The following CNP variants were observed in gnomAD, a reference collection of about 807,000 sequenced individuals.
The protein encoded by CNP is 2',3'-cyclic nucleotide 3' phosphodiesterase.
In CNP, 8 loss-of-function variants were observed where a neutral mutation model predicts 37.9. The observed-to-expected ratio is 0.21, with a 90% CI of 0.12 to 0.38. CNP has a LOEUF of 0.38. Ranked by LOEUF, CNP falls within the 10% of genes least tolerant of loss-of-function variation. The pLI is 1.00. For synonymous variants in CNP, 237 were observed against 238.3 expected, an observed-to-expected ratio of 0.99 and a Z score of 0.05; for missense variants, 457 against 551.0, an observed-to-expected ratio of 0.83 and a Z score of 1.71.
Position 41,976,499 on chromosome 17 carries a change from CAAA to C in CNP, c.*2578_*2580del. The C allele has an allele frequency of 4.1e-6, 2 of 486,948 alleles. No homozygotes were observed. Among genetic ancestry groups the C allele is most frequent in the Non-Finnish European group, 3.6e-6 (1 of 280,518 alleles). The allele number at this position is 486,948 out of a possible 1,614,324, so 30.2% of individuals were successfully genotyped here. ...TTTTTAATAAAGTTAAACAGTAAAA[CAAA>C]AATTCACAAGCTGCCTCCCTGTCCA... On this transcript the variant is annotated 3_prime_UTR_variant, in exon 4 of 4. Transcript: ENST00000393892.
chr17:41,972,482 C>T (rs781804269), intron 3 of CNP, among the ~76,000 whole-genome samples: 2 of 152,128 alleles, frequency 1.3e-5, no homozygotes, highest in Non-Finnish European at 2.9e-5. Context: ...AGCTTATTGG[C>T]TAATGGGTAC....
At position 41,975,776 on chromosome 17, in the gene CNP, T is replaced by C. The variant is rs1555644654; in HGVS notation, c.*1852T>C. On this transcript the variant is annotated 3_prime_UTR_variant, in exon 4 of 4. Transcript: ENST00000393892. Reference sequence around the variant, plus strand: ...CTAGGTCAAGGCCTGTCCCTGGCCATCTCTGAACTTCAGCTAGAGCTTCAA... The same window carrying C: ...CTAGGTCAAGGCCTGTCCCTGGCCACCTCTGAACTTCAGCTAGAGCTTCAA... 6.6e-6 allele frequency: 1 copy of C among 152,206 alleles called. No homozygotes were observed. The highest frequency in any genetic ancestry group is 1.5e-5 in the Non-Finnish European group (1 of 68,060). 9.4% of individuals were successfully genotyped at this position (152,206 alleles called of 1,614,324 possible).
intron 1 of CNP, chr17:41,967,779 G>C (rs782412876): frequency 1.6e-6 from 2 of 1,229,846 alleles, no homozygotes; most frequent in Non-Finnish European, 2.0e-6. Flanking sequence ...ATAAGAGTGA[G>C]GCCAGTCCCA....
chr17:41,969,096 C>T (rs754129702), intron 2 of CNP, among the ~76,000 whole-genome samples: 23 of 152,162 alleles, frequency 1.5e-4, no homozygotes, highest in Non-Finnish European at 2.8e-4. Flanking sequence ...CTAATGTAAC[C>T]TTAGAGGGGG....
intron 3 of CNP, 40 bp downstream of exon 3, chr17:41,972,071 T>C (rs2050998601): frequency 3.7e-6 from 6 of 1,606,164 alleles, no homozygotes; most frequent in Admixed American, 1.7e-5. Flanking sequence ...GGTGGGAGGT[T>C]GGGGGAGAAG....
chr17:41,973,714 G>A lies in CNP; in HGVS notation c.1056G>A (p.Leu352=), dbSNP rs782699148. The A allele has an allele frequency of 1.9e-6, 3 of 1,612,094 alleles. No individual in the cohort carries two copies. Among genetic ancestry groups the A allele is most frequent in the African/African-American group, 1.3e-5 (1 of 75,034 alleles). Residue 352 remains leucine, a synonymous_variant, in exon 4 of 4, where the codon CTG becomes CTA. Coordinates refer to ENST00000393892, the MANE Select transcript of CNP (RefSeq NM_033133.5). ...VQTGLDLLEI[L]RQEKGGSRGE... The stretch of plus-strand genomic sequence containing the variant: ...CGGGCCTTGACCTCTTAGAGATTCT[G>A]CGGCAGGAGAAGGGGGGCAGCCGAG...
rs572371941 is a variant in CNP at position 41,977,004 on chromosome 17, G to C, written c.*3080G>C. 3.3e-5 allele frequency: 21 copies of C among 643,868 alleles called. 1 individual carries two copies. The Admixed American group carries it at 5.9e-4, about 18-fold the overall frequency. 39.9% of individuals were successfully genotyped at this position (643,868 alleles called of 1,614,324 possible). On this transcript the variant is annotated 3_prime_UTR_variant, in exon 4 of 4. Coordinates refer to ENST00000393892, the MANE Select transcript of CNP (RefSeq NM_033133.5). ...TATATAGTACCTTTGCTCTTGCAGA[G>C]AAGCCTTGGTACTAGGCAGTTAGAG...
At position 41,968,763 on chromosome 17, in the gene CNP, A is replaced by AT; in HGVS notation, c.676+24dup. 1 of 1,588,274 alleles carries AT rather than the reference A, an allele frequency of 6.3e-7. No individual in the cohort carries two copies. Among genetic ancestry groups the AT allele is most frequent in the South Asian group, 1.1e-5 (1 of 88,042 alleles). ...AATGTAGGTGGCAGGTTGGGGCCTT[A>AT]TAAGCCCACCTTGCTGGGCACAGGG... On this transcript the variant is annotated intron_variant, in intron 2 of 3. Coordinates refer to ENST00000393892, the MANE Select transcript of CNP (RefSeq NM_033133.5). The surrounding 1 kb of genome is among the most constrained non-coding windows in gnomAD (Gnocchi z 4.8).
chr17:41,973,495 C>T lies in CNP; in HGVS notation c.837C>T (p.Ser279=). Reference sequence around the variant, plus strand: ...CCCAGGTGTTAAAGAAATCTTACTCCAAGGCCTTCACGCTGACCATCTCTG... The same window carrying T: ...CCCAGGTGTTAAAGAAATCTTACTCTAAGGCCTTCACGCTGACCATCTCTG... ...AQQDVLKKSY[S]KAFTLTISAL... Residue 279 remains serine (S), a synonymous_variant, in exon 4 of 4, where the codon TCC becomes TCT. Coordinates refer to ENST00000393892, the MANE Select transcript of CNP (RefSeq NM_033133.5). 1 of 1,614,088 alleles carries T rather than the reference C, an allele frequency of 6.2e-7. No individual in the cohort carries two copies. Among genetic ancestry groups the T allele is most frequent in the South Asian group, 1.1e-5 (1 of 91,066 alleles).
chr17:41,970,307 A>G (rs2050966684), intron 2 of CNP: 1 of 151,280 alleles, frequency 6.6e-6, no homozygotes, highest in Admixed American at 6.6e-5. Context: ...GGGTTTCACC[A>G]TCTTGACCAG....
intron 2 of CNP, chr17:41,970,424 G>A (rs1408242909): frequency 6.7e-6 from 1 of 149,144 alleles, no homozygotes; most frequent in Non-Finnish European, 1.5e-5. Context: ...TTTGAGACGG[G>A]GGTCTTGCTC....
chr17:41,976,569 C>A lies in CNP; in HGVS notation c.*2645C>A. 2.6e-6 allele frequency: 2 copies of A among 771,838 alleles called. No homozygotes were observed. The highest frequency in any genetic ancestry group is 3.6e-5 in the East Asian group (1 of 28,066). The allele number at this position is 771,838 out of a possible 1,614,324, so 47.8% of individuals were successfully genotyped here. ...CTGCCCTCGGTCTTCGGCATTGGTT[C>A]CCTTTGCTCCACCCCACTCACAGAG... On this transcript the variant is annotated 3_prime_UTR_variant, in exon 4 of 4. Coordinates refer to ENST00000393892, the MANE Select transcript of CNP (RefSeq NM_033133.5).
In CNP at chr17:41,977,285, C is replaced by T. The variant is rs782665641; in HGVS notation, c.*3361C>T. 20 of 1,585,308 alleles carry T rather than the reference C, an allele frequency of 1.3e-5. No homozygotes were observed. The highest frequency in any genetic ancestry group is 5.4e-5 in the African/African-American group (4 of 74,290). On this transcript the variant is annotated 3_prime_UTR_variant, in exon 4 of 4. Coordinates refer to ENST00000393892, the MANE Select transcript of CNP (RefSeq NM_033133.5). ...CCTTCAAAGCTGAAGCCGCCAGGAC[C>T]GCCAAAGAATGCCTTGAAGATATTG...
At position 41,968,739 on chromosome 17, in the gene CNP, A is replaced by G. The variant is rs782809231; in HGVS notation, c.675A>G (p.Gln225=). Residue 225 remains glutamine (Q), a splice_region_variant and synonymous_variant, in exon 2 of 4, where the codon CAA becomes CAG. Transcript: ENST00000393892. This position sits in a 1 kb window ranked among gnomAD's most constrained non-coding sequence, Gnocchi z 4.8. ...AGGCCTTCAAGAAGGAGCTGCGACA[A>G]TGTAGGTGGCAGGTTGGGGCCTTAT... ...NHKAFKKELR[Q]FVPGDEPREK... 2 of 1,607,146 alleles carry G rather than the reference A, an allele frequency of 1.2e-6. No homozygotes were observed. The highest frequency in any genetic ancestry group is 1.7e-6 in the Non-Finnish European group (2 of 1,175,604).
At position 41,968,778 on chromosome 17, in the gene CNP, T is replaced by A. The variant is rs149319021; in HGVS notation, c.676+38T>A. 2.4e-3 allele frequency: 3,696 copies of A among 1,569,066 alleles called. 3 individuals are homozygous for A. Among genetic ancestry groups the A allele is most frequent in the Non-Finnish European group, 3.0e-3 (3,450 of 1,156,972 alleles). ...TTGGGGCCTTATAAGCCCACCTTGC[T>A]GGGCACAGGGTGCTGCGGGCAAAGG... On this transcript the variant is annotated intron_variant, in intron 2 of 3. Coordinates refer to ENST00000393892, the MANE Select transcript of CNP (RefSeq NM_033133.5). The surrounding 1 kb of genome is among the most constrained non-coding windows in gnomAD (Gnocchi z 4.8).
At chr17:41,966,979 ACCCGGGGCTCC>A in intron 1 of CNP, 92 bp downstream of exon 1, 3 of 1,239,156 alleles carry the variant, frequency 2.4e-6, no homozygotes, top group Non-Finnish European at 2.0e-6. Flanking sequence ...GCAAACGAGG[ACCCGGGGCTCC>A]GGGTTCGACT....
At position 41,973,539 on chromosome 17, in the gene CNP, A is replaced by G. The variant is rs782157834; in HGVS notation, c.881A>G (p.Lys294Arg). The G allele has an allele frequency of 1.1e-5, 18 of 1,614,088 alleles. No homozygotes were observed. The highest frequency in any genetic ancestry group is 1.4e-5 in the Non-Finnish European group (16 of 1,180,048). Residue 294 changes from lysine (K) to arginine (R), a missense_variant, in exon 4 of 4, where the codon AAG becomes AGG. Coordinates refer to ENST00000393892, the MANE Select transcript of CNP (RefSeq NM_033133.5). ...LTISALFVTPKTTGARVELSE... is the reference protein window; with the variant it reads ...LTISALFVTPRTTGARVELSE... ...ATCTCTGCCCTCTTTGTGACACCCA[A>G]GACGACTGGGGCCCGGGTGGAGTTA...
rs1268631465 is a variant in CNP, at chr17:41,976,396, T to C, written c.*2472T>C. 3.6e-6 allele frequency: 1 copy of C among 277,720 alleles called. No homozygotes were observed. Among genetic ancestry groups the C allele is most frequent in the Non-Finnish European group, 6.8e-6 (1 of 147,722 alleles). 17.2% of individuals were successfully genotyped at this position (277,720 alleles called of 1,614,324 possible). A position where few individuals can be genotyped will look rare whatever the true frequency, so the allele number is the denominator to read the frequency against. ...AGTCCAGGTCGGGCTCAGCTCTGGCTCACAGACTGGAGACAATGCAGATGC... is the reference window on the plus strand; with the variant it reads ...AGTCCAGGTCGGGCTCAGCTCTGGCCCACAGACTGGAGACAATGCAGATGC... On this transcript the variant is annotated 3_prime_UTR_variant, in exon 4 of 4. Transcript: ENST00000393892.
Position 41,977,055 on chromosome 17 carries a change from C to A in CNP, c.*3131C>A. On this transcript the variant is annotated 3_prime_UTR_variant, in exon 4 of 4. Coordinates refer to ENST00000393892, the MANE Select transcript of CNP (RefSeq NM_033133.5). ...ATGCCTCCCTGACCCTGCAGAGATG[C>A]GGTGGCTAAAGGTCCCAAGGCAAGG... The A allele has an allele frequency of 1.5e-6, 1 of 652,326 alleles. No homozygotes were observed. The highest frequency in any genetic ancestry group is 2.6e-6 in the Non-Finnish European group (1 of 380,978). 40.4% of individuals were successfully genotyped at this position (652,326 alleles called of 1,614,324 possible). A position where few individuals can be genotyped will look rare whatever the true frequency, so the allele number is the denominator to read the frequency against.
Sources: allele counts gnomAD v4.1 joint callset (sites outside exome capture counted in the v4.1 genomes callset), GRCh38; gene constraint gnomAD v4.1.1; non-coding constraint Gnocchi (gnomAD v3.1); transcripts MANE v1.5; gene names NCBI Gene and HGNC (gene_info 2026-07-23, HGNC 2026-07-21).